The following MECOM variants were observed in gnomAD, a reference collection of about 807,000 sequenced individuals.
MECOM encodes the protein MDS1 and EVI1 complex locus, also known as histone-lysine N-methyltransferase MECOM.
MECOM carries 13 observed loss-of-function variants against 116.3 expected under a neutral mutation model. The observed-to-expected ratio is 0.11, with a 90% CI of 0.07 to 0.18. MECOM has a LOEUF of 0.18. Among genes scored for constraint, MECOM ranks in the 10% least tolerant of loss-of-function variants. MECOM has a pLI of 1.00. For missense variants in MECOM, 1,299 were observed against 1,509.0 expected (o/e 0.86, Z 2.31); for synonymous variants, 528 against 535.2 (o/e 0.99, Z 0.19).
chr3:169,245,851 T>G (rs1389064106), intron 2 of MECOM, among the ~76,000 whole-genome samples: 2 of 152,066 alleles, frequency 1.3e-5, no homozygotes, highest in African/African-American at 2.4e-5. Context: ...TTACTGAGAG[T>G]GGACAGATGG....
intron 2 of MECOM, among the ~76,000 whole-genome samples, chr3:169,358,409 T>G (rs577134939): frequency 6.6e-6 from 1 of 151,696 alleles, no homozygotes; most frequent in Non-Finnish European, 1.5e-5. Context: ...AGACCAGTTT[T>G]CATTACTACA....
At chr3:169,240,632 C>T (rs954865203) in intron 2 of MECOM, among the ~76,000 whole-genome samples, 16 of 152,094 alleles carry the variant, frequency 1.1e-4, no homozygotes, top group Non-Finnish European at 2.2e-4. Flanking sequence ...AGGAAGTATA[C>T]AGTTTCCTAA....
At chr3:169,576,766 G>A (rs1344443592) in intron 1 of MECOM, among the ~76,000 whole-genome samples, 1 of 149,158 alleles carries the variant, frequency 6.7e-6, no homozygotes, top group Non-Finnish European at 1.5e-5. Flanking sequence ...TCATTTTATT[G>A]TCTGTTTTCC....
intron 2 of MECOM, among the ~76,000 whole-genome samples, chr3:169,169,215 A>G (rs1192424025): frequency 1.3e-5 from 2 of 151,924 alleles, no homozygotes; most frequent in African/African-American, 4.8e-5. Flanking sequence ...GAAAATAATT[A>G]CACATGATTT....
intron 1 of MECOM, chr3:169,484,179 A>C: frequency 3.2e-6 from 2 of 615,734 alleles, no homozygotes; most frequent in Non-Finnish European, 5.7e-6. Context: ...CAATCCCATT[A>C]CTGCTTGCAC....
intron 2 of MECOM, among the ~76,000 whole-genome samples, chr3:169,365,308 T>C (rs1190910286): frequency 6.6e-6 from 1 of 152,088 alleles, no homozygotes; most frequent in African/African-American, 2.4e-5. Flanking sequence ...ATTTTAACAG[T>C]TCATATGATG....
chr3:169,252,487 C>T (rs990903116), intron 2 of MECOM, among the ~76,000 whole-genome samples: 1 of 150,766 alleles, frequency 6.6e-6, no homozygotes, highest in African/African-American at 2.4e-5. Context: ...ACTATAGTAG[C>T]ATTCAAATAT....
At chr3:169,219,235 G>A (rs1000215504) in intron 2 of MECOM, among the ~76,000 whole-genome samples, 13 of 152,178 alleles carry the variant, frequency 8.5e-5, no homozygotes, top group African/African-American at 3.1e-4. Context: ...GGCCAGGCGC[G>A]GTGGCTCACG....
chr3:169,560,703 C>CA (rs1166119022), intron 1 of MECOM, among the ~76,000 whole-genome samples: 1 of 151,716 alleles, frequency 6.6e-6, no homozygotes, highest in Non-Finnish European at 1.5e-5. Flanking sequence ...ACAGAAGCAT[C>CA]AAAAAATAAA....
intron 1 of MECOM, among the ~76,000 whole-genome samples, chr3:169,647,560 A>T (rs1774341701): frequency 6.6e-6 from 1 of 152,208 alleles, no homozygotes; most frequent in Non-Finnish European, 1.5e-5. Flanking sequence ...ACACCAAAAA[A>T]AAATATGCAT....
chr3:169,500,432 CA>C (rs934458184), intron 1 of MECOM, among the ~76,000 whole-genome samples: 4 of 151,760 alleles, frequency 2.6e-5, no homozygotes, highest in African/African-American at 9.7e-5. Flanking sequence ...CAAAAAGAGA[CA>C]AAACCATATT....
intron 2 of MECOM, among the ~76,000 whole-genome samples, chr3:169,366,454 C>A (rs974512703): frequency 6.6e-6 from 1 of 152,048 alleles, no homozygotes; most frequent in South Asian, 2.1e-4. Context: ...ACAGTACATT[C>A]ACATAAGGAG....
At chr3:169,503,921 T>C (rs1463969229) in intron 1 of MECOM, among the ~76,000 whole-genome samples, 2 of 152,148 alleles carry the variant, frequency 1.3e-5, no homozygotes, top group African/African-American at 4.8e-5. Context: ...CTAGTGAATA[T>C]CGTTCTTGTA....
intron 1 of MECOM, among the ~76,000 whole-genome samples, chr3:169,496,905 C>G (rs573745492): frequency 6.6e-6 from 1 of 152,214 alleles, no homozygotes; most frequent in African/African-American, 2.4e-5. Context: ...CTTTGGGACC[C>G]CCATAAAATA....
At chr3:169,588,536 A>C (rs77151301) in intron 1 of MECOM, among the ~76,000 whole-genome samples, 5 of 152,214 alleles carry the variant, frequency 3.3e-5, no homozygotes, top group Non-Finnish European at 7.3e-5. Context: ...GAAATAAAGT[A>C]CATTCCTCAT....
At chr3:169,088,263 G>T (rs1004716313) in intron 16 of MECOM, among the ~76,000 whole-genome samples, 1 of 152,104 alleles carries the variant, frequency 6.6e-6, no homozygotes, top group South Asian at 2.1e-4. Flanking sequence ...GTTGAGTGTG[G>T]ATGTCAAACA....
At chr3:169,338,123 TC>T (rs1252471376) in intron 2 of MECOM, among the ~76,000 whole-genome samples, 1 of 152,076 alleles carries the variant, frequency 6.6e-6, no homozygotes, top group Non-Finnish European at 1.5e-5. Flanking sequence ...TACTTGATCA[TC>T]TACAGCCTTA....
At chr3:169,342,088 T>C (rs1724647437) in intron 2 of MECOM, among the ~76,000 whole-genome samples, 1 of 152,122 alleles carries the variant, frequency 6.6e-6, no homozygotes, top group Non-Finnish European at 1.5e-5. Flanking sequence ...GTTCTGTATA[T>C]ACTTTTCAAG....
At chr3:169,175,699 A>G (rs1319418856) in intron 2 of MECOM, among the ~76,000 whole-genome samples, 1 of 152,192 alleles carries the variant, frequency 6.6e-6, no homozygotes, top group Non-Finnish European at 1.5e-5. Context: ...CTCTTGTGCT[A>G]TGTTCTCCAG....
Sources: allele counts gnomAD v4.1 joint callset (sites outside exome capture counted in the v4.1 genomes callset), GRCh38; gene constraint gnomAD v4.1.1; transcripts MANE v1.5; gene names NCBI Gene and HGNC (gene_info 2026-07-23, HGNC 2026-07-21).